RNF8: variants seen among roughly 807,000 people sequenced by gnomAD.
The protein encoded by RNF8 is ring finger protein 8.
Under a neutral mutation model 59.3 loss-of-function variants are expected in RNF8, and 8 were observed. The ratio of observed to expected loss-of-function variants is 0.13; its 90% CI spans 0.08 to 0.24. The LOEUF is 0.24. RNF8 is among the 10% of genes least tolerant of loss of function. The probability of loss-of-function intolerance (pLI) is 1.00; values close to 1 mark genes in which losing one functional copy is unlikely to be tolerated. For missense variants in RNF8, 406 were observed against 572.6 expected (o/e 0.71, Z 2.97); for synonymous variants, 162 against 200.0 (o/e 0.81, Z 1.60).
rs781324854 is a variant in RNF8, at chr6:37,371,466, T to A, written c.976-46T>A. The A allele has an allele frequency of 1.2e-5, 19 of 1,558,634 alleles. No individual in the cohort carries two copies. The Admixed American group carries it at 3.2e-4, about 26-fold the overall frequency. On this transcript the variant is annotated intron_variant, in intron 3 of 7. Transcript: ENST00000373479. ...TTGTTGCTGGATTGTGTTCCTTTTT[T>A]TCTTTTCCCTGCAGAGAAACCTTCC...
intron 7 of RNF8, among the ~76,000 whole-genome samples, chr6:37,383,517 G>A (rs1235706313): frequency 6.6e-6 from 1 of 152,220 alleles, no homozygotes; most frequent in Non-Finnish European, 1.5e-5. Flanking sequence ...AAATTCAGAG[G>A]AGACCTGCCT....
rs748963191 is a variant in RNF8 at position 37,360,431 on chromosome 6, G to C, written c.112-15G>C. ...AATGACTGATGGTATTTCTTGCATT[G>C]TTGTTGTCTCCCAGGTGACTGTAGG... On this transcript the variant is annotated splice_polypyrimidine_tract_variant and intron_variant, in intron 1 of 7. Coordinates refer to ENST00000373479, the MANE Select transcript of RNF8 (RefSeq NM_003958.4). The surrounding 1 kb of genome is among the most constrained non-coding windows in gnomAD (Gnocchi z 4.2). 3.1e-6 allele frequency: 5 copies of C among 1,594,522 alleles called. No homozygotes were observed. The highest frequency in any genetic ancestry group is 3.4e-6 in the Non-Finnish European group (4 of 1,179,448).
chr6:37,379,320 A>G (rs947466851), intron 6 of RNF8, among the ~76,000 whole-genome samples: 1 of 152,050 alleles, frequency 6.6e-6, no homozygotes, highest in Non-Finnish European at 1.5e-5. Flanking sequence ...CTTCATTTTT[A>G]TCAGATAGGT....
intron 2 of RNF8, chr6:37,361,278 C>G: frequency 2.2e-6 from 1 of 454,678 alleles, no homozygotes; most frequent in Non-Finnish European, 4.4e-6. Context: ...TTATAGTGTG[C>G]TATGCCATTC....
At chr6:37,385,619 G>A (rs998557507) in intron 7 of RNF8, among the ~76,000 whole-genome samples, 1 of 151,692 alleles carries the variant, frequency 6.6e-6, no homozygotes, top group Non-Finnish European at 1.5e-5. Context: ...GTGAGACTTC[G>A]TCTCAAAAAA....
intron 7 of RNF8, among the ~76,000 whole-genome samples, chr6:37,382,106 A>G (rs758046408): frequency 5.3e-5 from 8 of 152,196 alleles, no homozygotes; most frequent in Non-Finnish European, 8.8e-5. Flanking sequence ...TTACAGGAAT[A>G]CTACACTAGG....
At chr6:37,383,621 G>A (rs1770366002) in intron 7 of RNF8, among the ~76,000 whole-genome samples, 1 of 152,164 alleles carries the variant, frequency 6.6e-6, no homozygotes, top group South Asian at 2.1e-4. Context: ...GCTGGTTATT[G>A]AAGTTTCATA....
chr6:37,385,020 T>C (rs1581697712), intron 7 of RNF8, among the ~76,000 whole-genome samples: 1 of 149,324 alleles, frequency 6.7e-6, no homozygotes, highest in East Asian at 2.0e-4. Context: ...TTCTTAAGAT[T>C]TTTTTTTTTT....
chr6:37,362,040 G>A (rs887479643), intron 2 of RNF8, among the ~76,000 whole-genome samples: 6 of 152,296 alleles, frequency 3.9e-5, no homozygotes, highest in South Asian at 4.1e-4. Flanking sequence ...GCTTTATGAC[G>A]TCAAACAATT....
intron 2 of RNF8, among the ~76,000 whole-genome samples, chr6:37,365,604 A>G (rs894037032): frequency 3.3e-5 from 5 of 152,196 alleles, no homozygotes; most frequent in South Asian, 2.1e-4. Context: ...ACTTTCCTCA[A>G]TAACTGTTTA....
At chr6:37,365,049 G>A (rs564190203) in intron 2 of RNF8, among the ~76,000 whole-genome samples, 5 of 152,078 alleles carry the variant, frequency 3.3e-5, no homozygotes, top group Non-Finnish European at 7.4e-5. Context: ...GATTACAGGC[G>A]TGAGCCACCA....
rs752349555 is a variant in RNF8 at position 37,368,460 on chromosome 6, T to G, written c.241-24T>G. The G allele has an allele frequency of 1.9e-6, 3 of 1,614,044 alleles. No individual in the cohort carries two copies. The East Asian group carries it at 6.7e-5, about 36-fold the overall frequency. On this transcript the variant is annotated intron_variant, in intron 2 of 7. Transcript: ENST00000373479. ...GAAGACGAAAATCATGAAGCTTATT[T>G]CTTCTTTCTTTCACTTTCCCCAGAG... is the stretch of plus-strand genomic sequence containing the variant.
At chr6:37,387,550 T>C (rs1016790573) in intron 7 of RNF8, among the ~76,000 whole-genome samples, 1 of 152,114 alleles carries the variant, frequency 6.6e-6, no homozygotes, top group Non-Finnish European at 1.5e-5. Flanking sequence ...TTATGTTGCC[T>C]GGGCTGGTCT....
At position 37,360,448 on chromosome 6, in the gene RNF8, G is replaced by T. The variant is rs768353551; in HGVS notation, c.114G>T (p.Val38=). Reference sequence around the variant, plus strand: ...CTTGCATTGTTGTTGTCTCCCAGGTGACTGTAGGACGAGGATTTGGTGTCA... The same window carrying T: ...CTTGCATTGTTGTTGTCTCCCAGGTTACTGTAGGACGAGGATTTGGTGTCA... The part of the protein sequence containing the change: ...GWLLLEDGCE[V]TVGRGFGVTY... Residue 38 remains valine, a splice_region_variant and synonymous_variant, in exon 2 of 8, where the codon GTG becomes GTT. Coordinates refer to ENST00000373479, the MANE Select transcript of RNF8 (RefSeq NM_003958.4). The surrounding 1 kb of genome is among the most constrained non-coding windows in gnomAD (Gnocchi z 4.2). 43 of 1,613,554 alleles carry T rather than the reference G, an allele frequency of 2.7e-5. No individual in the cohort carries two copies. In the Admixed American group the frequency reaches 7.0e-4, roughly 26 times the overall value.
rs376012486 is a variant in RNF8 at position 37,389,700 on chromosome 6, TG to T, written c.1442-1035del. 5.1e-4 allele frequency among the ~76,000 whole-genome samples: 77 copies of T among 150,404 alleles called. 2 individuals are homozygous for T. The East Asian group carries it at 0.014, about 28-fold the overall frequency. On this transcript the variant is annotated intron_variant, in intron 7 of 7. Transcript: ENST00000373479. ...TTGTTTTATAGAAAGAAGAGTATCG[TG>T]GGGGGGTGGGGCAAGGAAGTTTGCT...
Position 37,391,100 on chromosome 6 carries a change from T to G in RNF8, c.*342T>G. 1 of 461,534 alleles carries G rather than the reference T, an allele frequency of 2.2e-6. No individual in the cohort carries two copies. The highest frequency in any genetic ancestry group is 3.9e-6 in the Non-Finnish European group (1 of 256,712). 28.6% of individuals were successfully genotyped at this position (461,534 alleles called of 1,614,324 possible). The stretch of plus-strand genomic sequence containing the variant: ...TTTTGATACCTCGGAAACACCTCCG[T>G]TGACAGTTGTTTTGGATAGGTTGGG... On this transcript the variant is annotated 3_prime_UTR_variant, in exon 8 of 8. Coordinates refer to ENST00000373479, the MANE Select transcript of RNF8 (RefSeq NM_003958.4).
chr6:37,368,289 A>G (rs1414030784), intron 2 of RNF8, 195 bp from the exon 3 acceptor site: 1 of 1,323,472 alleles, frequency 7.6e-7, no homozygotes, highest in Non-Finnish European at 1.0e-6. Flanking sequence ...ATGAATGTGA[A>G]ATATAGGTAA....
rs1370871830 is a variant in RNF8 at position 37,360,937 on chromosome 6, C to T, written c.240+363C>T. On this transcript the variant is annotated intron_variant, in intron 2 of 7. Coordinates refer to ENST00000373479, the MANE Select transcript of RNF8 (RefSeq NM_003958.4). This position sits in a 1 kb window ranked among gnomAD's most constrained non-coding sequence, Gnocchi z 4.2. ...ACGCTTCTGGAGTACACTTATGGCT[C>T]AGTGGACAAGGGGAGGAGGGAGAAA... Among the ~76,000 whole-genome samples the T allele has an allele frequency of 6.6e-6, 1 of 152,140 alleles. No homozygotes were observed. Among genetic ancestry groups the T allele is most frequent in the African/African-American group, 2.4e-5 (1 of 41,428 alleles).
chr6:37,391,197 CTA>C lies in RNF8; in HGVS notation c.*441_*442del. ...GGCTTACCTCTTCTTTGTGAAAATA[CTA>C]TCTCATTTCCTGGAAATAAAATGTA... is the stretch of plus-strand genomic sequence containing the variant. On this transcript the variant is annotated 3_prime_UTR_variant, in exon 8 of 8. Coordinates refer to ENST00000373479, the MANE Select transcript of RNF8 (RefSeq NM_003958.4). The C allele has an allele frequency of 5.0e-6, 1 of 201,716 alleles. No individual in the cohort carries two copies. 12.5% of individuals were successfully genotyped at this position (201,716 alleles called of 1,614,324 possible).
Sources: gnomAD v4.1 joint callset for allele counts (sites outside exome capture counted in the v4.1 genomes callset) on GRCh38, gnomAD v4.1.1 for gene constraint, Gnocchi (gnomAD v3.1) non-coding constraint, MANE v1.5 for transcripts, NCBI Gene and HGNC (gene_info 2026-07-23, HGNC 2026-07-21) for gene names.